SLC35F3: variants seen among roughly 807,000 people sequenced by gnomAD.
SLC35F3 encodes the protein solute carrier family 35 member F3.
SLC35F3 carries 25 observed loss-of-function variants against 49.9 expected under a neutral mutation model. The ratio of observed to expected loss-of-function variants is 0.50; its 90% CI spans 0.37 to 0.70. The LOEUF is 0.70. Among genes scored for constraint, SLC35F3 ranks in the 30% least tolerant of loss-of-function variants. SLC35F3 has a pLI of 0.00. For synonymous variants in SLC35F3, 275 were observed against 265.4 expected, an observed-to-expected ratio of 1.04 and a Z score of -0.35; for missense variants, 525 against 639.8, an observed-to-expected ratio of 0.82 and a Z score of 1.94.
chr1:233,940,381 G>A (rs1662400966), intron 2 of SLC35F3, among the ~76,000 whole-genome samples: 1 of 151,878 alleles, frequency 6.6e-6, no homozygotes, highest in African/African-American at 2.4e-5. Flanking sequence ...GAGAGAGAGA[G>A]AGAGAGAGAG....
At chr1:234,271,688 C>A (rs1034733639) in intron 3 of SLC35F3, among the ~76,000 whole-genome samples, 2 of 152,172 alleles carry the variant, frequency 1.3e-5, no homozygotes, top group Non-Finnish European at 2.9e-5. Flanking sequence ...CAGGTTTTAT[C>A]ATATCATGAA....
chr1:233,905,786 G>T (rs967608912), intron 2 of SLC35F3, 28 bp downstream of exon 2: 1 of 1,571,500 alleles, frequency 6.4e-7, no homozygotes, highest in Non-Finnish European at 8.7e-7. Context: ...CATGTTTCCC[G>T]TTCACTGGTC....
At position 234,214,207 on chromosome 1, in the gene SLC35F3, G is replaced by T; in HGVS notation, c.284-17210G>T. Reference sequence around the variant, plus strand: ...CGGGGTGGGAGCAGGGAGTGCACTTGTACGTGACGTTGGAGTTTGCAGCAA... The same window carrying T: ...CGGGGTGGGAGCAGGGAGTGCACTTTTACGTGACGTTGGAGTTTGCAGCAA... On this transcript the variant is annotated intron_variant, in intron 2 of 7. Coordinates refer to ENST00000366618, the MANE Select transcript of SLC35F3 (RefSeq NM_173508.4). The surrounding 1 kb of genome is among the most constrained non-coding windows in gnomAD (Gnocchi z 8.0). 8.5e-7 allele frequency: 1 copy of T among 1,175,628 alleles called. No homozygotes were observed. The highest frequency in any genetic ancestry group is 1.1e-6 in the Non-Finnish European group (1 of 951,934). 72.8% of individuals were successfully genotyped at this position (1,175,628 alleles called of 1,614,324 possible).
At chr1:234,286,646 A>G (rs1421366099) in intron 3 of SLC35F3, among the ~76,000 whole-genome samples, 2 of 152,254 alleles carry the variant, frequency 1.3e-5, no homozygotes, top group African/African-American at 2.4e-5. Flanking sequence ...GAGGATGATG[A>G]GGGAGCTCAA....
intron 2 of SLC35F3, among the ~76,000 whole-genome samples, chr1:233,927,269 T>TA (rs1662174894): frequency 6.6e-6 from 1 of 152,186 alleles, no homozygotes; most frequent in African/African-American, 2.4e-5. Flanking sequence ...GGGTAAATGT[T>TA]AAAGAGTTAG....
intron 3 of SLC35F3, among the ~76,000 whole-genome samples, chr1:234,240,738 TG>T (rs1572110473): frequency 6.6e-6 from 1 of 152,220 alleles, no homozygotes; most frequent in East Asian, 1.9e-4. Flanking sequence ...CCCAGGTAAC[TG>T]AGTCTTCCTC....
chr1:234,017,342 G>A (rs978980567), intron 2 of SLC35F3, among the ~76,000 whole-genome samples: 1 of 152,136 alleles, frequency 6.6e-6, no homozygotes, highest in Non-Finnish European at 1.5e-5. Flanking sequence ...AAAAGACAAG[G>A]TTAGGTTCCT....
intron 2 of SLC35F3, among the ~76,000 whole-genome samples, chr1:234,004,627 CAGAA>C (rs1191253620): frequency 6.6e-6 from 1 of 151,914 alleles, no homozygotes; most frequent in Non-Finnish European, 1.5e-5. Context: ...AAAACTTGTA[CAGAA>C]AGAAATTACA....
chr1:234,163,076 GT>G (rs1558246566), intron 2 of SLC35F3, among the ~76,000 whole-genome samples: 1 of 152,160 alleles, frequency 6.6e-6, no homozygotes, highest in African/African-American at 2.4e-5. Context: ...TGCACAGACC[GT>G]TTTGCTCTTT....
chr1:234,215,947 C>T (rs1282072685), intron 2 of SLC35F3, among the ~76,000 whole-genome samples: 4 of 152,204 alleles, frequency 2.6e-5, no homozygotes, highest in Non-Finnish European at 4.4e-5. Context: ...TTGCACTGAA[C>T]TGCAACTACT....
At chr1:233,996,168 A>C (rs4920205) in intron 2 of SLC35F3, among the ~76,000 whole-genome samples, 41,893 of 151,974 alleles carry the variant, frequency 0.28, 6,018 homozygotes, top group East Asian at 0.49. Flanking sequence ...AAAAACGGTT[A>C]ATTGTGTCTG....
At chr1:234,069,038 T>G (rs1664668906) in intron 2 of SLC35F3, among the ~76,000 whole-genome samples, 1 of 123,364 alleles carries the variant, frequency 8.1e-6, no homozygotes, top group African/African-American at 3.2e-5. Flanking sequence ...TAAAATTATA[T>G]AATTTTATAT....
intron 2 of SLC35F3, among the ~76,000 whole-genome samples, chr1:234,193,321 C>A (rs1180925507): frequency 6.6e-6 from 1 of 152,046 alleles, no homozygotes; most frequent in African/African-American, 2.4e-5. Context: ...TTGGACAAAG[C>A]AAACAAAAAC....
intron 2 of SLC35F3, among the ~76,000 whole-genome samples, chr1:234,135,835 T>A (rs1282802290): frequency 6.6e-6 from 1 of 152,220 alleles, no homozygotes; most frequent in Non-Finnish European, 1.5e-5. Flanking sequence ...TGTCAGGGAA[T>A]GGTGGGAACA....
intron 2 of SLC35F3, among the ~76,000 whole-genome samples, chr1:234,044,574 TC>T (rs1664263967): frequency 6.6e-6 from 1 of 152,218 alleles, no homozygotes; most frequent in Admixed American, 6.5e-5. Flanking sequence ...GTATGAGAAT[TC>T]CTGCTGTTCT....
chr1:234,192,538 C>G (rs1226345483), intron 2 of SLC35F3, among the ~76,000 whole-genome samples: 1 of 152,062 alleles, frequency 6.6e-6, no homozygotes, highest in Non-Finnish European at 1.5e-5. Flanking sequence ...GAGAACAAGA[C>G]AAGGATGCCC....
At chr1:233,940,605 A>G (rs575653679) in intron 2 of SLC35F3, among the ~76,000 whole-genome samples, 1 of 152,338 alleles carries the variant, frequency 6.6e-6, no homozygotes, top group Admixed American at 6.5e-5. Context: ...TCACCTGACA[A>G]TACAGCAGTA....
chr1:234,116,524 TA>T (rs762610833), intron 2 of SLC35F3, among the ~76,000 whole-genome samples: 10 of 151,126 alleles, frequency 6.6e-5, no homozygotes, highest in East Asian at 3.9e-4. Flanking sequence ...TTTATTTATT[TA>T]TTTTGAGACA....
At chr1:234,289,657 A>G (rs1032995665) in intron 3 of SLC35F3, among the ~76,000 whole-genome samples, 8 of 152,232 alleles carry the variant, frequency 5.3e-5, no homozygotes, top group African/African-American at 1.7e-4. Flanking sequence ...ACATTAGCCA[A>G]ACAGAACCAA....
Sources: gnomAD v4.1 joint callset for allele counts (sites outside exome capture counted in the v4.1 genomes callset) on GRCh38, gnomAD v4.1.1 for gene constraint, Gnocchi (gnomAD v3.1) non-coding constraint, MANE v1.5 for transcripts, NCBI Gene and HGNC (gene_info 2026-07-23, HGNC 2026-07-21) for gene names.